The following CPD variants were observed in gnomAD, a reference collection of about 807,000 sequenced individuals.
CPD encodes metallocarboxypeptidase D.
Under a neutral mutation model 138.3 loss-of-function variants are expected in CPD, and 69 were observed. That is an observed-to-expected ratio of 0.50 (90% CI 0.41 to 0.61). The LOEUF is 0.61. Ranked by LOEUF, CPD falls within the 20% of genes least tolerant of loss-of-function variation. The probability of loss-of-function intolerance (pLI) is 0.00; values close to 1 mark genes in which losing one functional copy is unlikely to be tolerated. For missense variants in CPD, 1,432 were observed against 1,733.3 expected (o/e 0.83, Z 3.09); for synonymous variants, 651 against 642.1 (o/e 1.01, Z -0.21).
intron 2 of CPD, among the ~76,000 whole-genome samples, chr17:30,417,459 A>G (rs1353818022): frequency 6.6e-6 from 1 of 152,158 alleles, no homozygotes; most frequent in African/African-American, 2.4e-5. Context: ...TTCTGTCTAA[A>G]TATTCTACAA....
Position 30,461,902 on chromosome 17 carries a change from T to C in CPD, c.3656T>C (p.Val1219Ala). The change falls in exon 19 of 21, where the codon GTT becomes GCT. Residue 1219 changes from valine (V) to alanine (A), a missense_variant. Around this residue, in one of 6 missense-constraint regions of CPD, gnomAD observed 366 missense variants for 518.8 expected, o/e 0.71. Transcript: ENST00000225719. ...GTTCACAAGGGAGTTCATGGATTTG[T>C]TAAAGATAAGACTGGAAAGCCAATC... ...VEVHKGVHGF[V>A]KDKTGKPISK... The C allele has an allele frequency of 6.2e-7, 1 of 1,601,198 alleles. No individual in the cohort carries two copies. The highest frequency in any genetic ancestry group is 1.1e-5 in the South Asian group (1 of 89,132).
At chr17:30,432,892 T>G (rs1472986507) in intron 8 of CPD, among the ~76,000 whole-genome samples, 1 of 152,182 alleles carries the variant, frequency 6.6e-6, no homozygotes, top group Non-Finnish European at 1.5e-5. Context: ...TACTCTAGCC[T>G]GGGTGACAAA....
At chr17:30,460,573 T>C (rs1231889178) in intron 17 of CPD, among the ~76,000 whole-genome samples, 2 of 152,104 alleles carry the variant, frequency 1.3e-5, no homozygotes, top group African/African-American at 2.4e-5. Context: ...GATAGTGAGA[T>C]AGAGAAGTCA....
chr17:30,420,841 G>C lies in CPD; in HGVS notation c.995G>C (p.Gly332Ala). 1 of 1,607,408 alleles carries C rather than the reference G, an allele frequency of 6.2e-7. No individual in the cohort carries two copies. Among genetic ancestry groups the C allele is most frequent in the Middle Eastern group, 1.7e-4 (1 of 6,032 alleles). ...TNGAHWYDVE[G>A]GMQDYNYVWA... is the part of the protein sequence containing the mutation. Reference sequence around the variant, plus strand: ...TAAACTTATTTTTTCTATGTTACAGGTGGTATGCAAGATTACAATTATGTG... The same window carrying C: ...TAAACTTATTTTTTCTATGTTACAGCTGGTATGCAAGATTACAATTATGTG... Residue 332 changes from glycine to alanine, a missense_variant and splice_region_variant, in exon 3 of 21, where the codon GGT (glycine) becomes GCT (alanine). Gly to Ala is a moderately conservative substitution (Grantham distance 60). Transcript: ENST00000225719.
intron 2 of CPD, among the ~76,000 whole-genome samples, chr17:30,413,839 A>C (rs1912030838): frequency 6.6e-6 from 1 of 152,200 alleles, no homozygotes; most frequent in Non-Finnish European, 1.5e-5. Flanking sequence ...GTAAGTAGCA[A>C]CTTCAATTGG....
chr17:30,421,633 C>T (rs746618983), intron 3 of CPD, 31 bp from the exon 4 acceptor site: 26 of 1,604,284 alleles, frequency 1.6e-5, no homozygotes, highest in South Asian at 1.3e-4. Flanking sequence ...CCAAATTCAC[C>T]GTCTCTGAGC....
chr17:30,414,819 G>A (rs878974088), intron 2 of CPD, among the ~76,000 whole-genome samples: 1 of 152,170 alleles, frequency 6.6e-6, no homozygotes, highest in Non-Finnish European at 1.5e-5. Flanking sequence ...GAAAGACTGT[G>A]GGTGGAGCAG....
At chr17:30,437,524 A>G (rs1912733966) in intron 8 of CPD, among the ~76,000 whole-genome samples, 1 of 152,052 alleles carries the variant, frequency 6.6e-6, no homozygotes, top group East Asian at 1.9e-4. Context: ...ATCCCTACAA[A>G]AAATACAAAA....
chr17:30,410,556 A>T (rs527502518), intron 2 of CPD, among the ~76,000 whole-genome samples: 16 of 152,260 alleles, frequency 1.1e-4, no homozygotes, highest in Admixed American at 4.6e-4. Flanking sequence ...TTGCATGCAT[A>T]TGTATTTAGG....
In CPD at chr17:30,469,383, A is replaced by T. The variant is rs2061484881; in HGVS notation, c.*4569A>T. 1 of 152,172 alleles carries T rather than the reference A, an allele frequency of 6.6e-6. No homozygotes were observed. Among genetic ancestry groups the T allele is most frequent in the Non-Finnish European group, 1.5e-5 (1 of 68,020 alleles). 9.4% of individuals were successfully genotyped at this position (152,172 alleles called of 1,614,324 possible). A position where few individuals can be genotyped will look rare whatever the true frequency, so the allele number is the denominator to read the frequency against. ...AATGTGACCTTGTACAAGTTTCTTG[A>T]CATTCTCTGAGCCTCAGTTTCTCTA... On this transcript the variant is annotated 3_prime_UTR_variant, in exon 21 of 21. Transcript: ENST00000225719.
intron 2 of CPD, 87 bp from the exon 3 acceptor site, chr17:30,420,754 C>A: frequency 8.1e-7 from 1 of 1,240,996 alleles, no homozygotes; most frequent in Non-Finnish European, 1.1e-6. Context: ...TTTATACATC[C>A]AGAGATGGCT....
chr17:30,415,330 A>G (rs1301109649), intron 2 of CPD, among the ~76,000 whole-genome samples: 1 of 152,196 alleles, frequency 6.6e-6, no homozygotes, highest in Non-Finnish European at 1.5e-5. Flanking sequence ...GGTAATTCTA[A>G]TTGTATCACA....
chr17:30,447,603 G>C (rs1749298308), intron 12 of CPD: 1 of 152,098 alleles, frequency 6.6e-6, no homozygotes, highest in African/African-American at 2.4e-5. Flanking sequence ...ATTTAGAACT[G>C]TAAGCTCACC....
At position 30,456,479 on chromosome 17, in the gene CPD, G is replaced by A; in HGVS notation, c.3451G>A (p.Gly1151Arg). The change falls in exon 17 of 21, where the codon GGA becomes AGA. Residue 1151 changes from glycine to arginine, a missense_variant. Coordinates refer to ENST00000225719, the MANE Select transcript of CPD (RefSeq NM_001304.5). ...TTTTATAGATGAGAATATTCCAGGA[G>A]GAGTAATGCGTGGAGCAGAATGGCA... ...PNKSDENIPG[G>R]VMRGAEWHSH... 3 of 1,614,180 alleles carry A rather than the reference G, an allele frequency of 1.9e-6. No individual in the cohort carries two copies. Among genetic ancestry groups the A allele is most frequent in the Non-Finnish European group, 2.5e-6 (3 of 1,180,010 alleles).
chr17:30,460,206 A>G (rs1055078584), intron 17 of CPD, among the ~76,000 whole-genome samples: 2 of 152,242 alleles, frequency 1.3e-5, no homozygotes, highest in African/African-American at 4.8e-5. Flanking sequence ...AGTACATAGC[A>G]GAAGTCTAAT....
chr17:30,408,824 G>A (rs1031160321), intron 2 of CPD, among the ~76,000 whole-genome samples: 10 of 152,018 alleles, frequency 6.6e-5, no homozygotes, highest in Admixed American at 4.6e-4. Context: ...GATTGCCCTG[G>A]CCAGAACTTC....
chr17:30,423,181 A>G (rs1243248390), intron 5 of CPD, among the ~76,000 whole-genome samples, 158 bp downstream of exon 5: 2 of 152,208 alleles, frequency 1.3e-5, no homozygotes, highest in African/African-American at 4.8e-5. Flanking sequence ...AATGTAACCA[A>G]TCTTTTCCCA....
intron 2 of CPD, among the ~76,000 whole-genome samples, chr17:30,417,101 C>CAA (rs752972071): frequency 3.8e-5 from 4 of 106,352 alleles, no homozygotes; most frequent in African/African-American, 6.9e-5. Flanking sequence ...ACTCAGTCTC[C>CAA]AAAAAAAAAA....
At position 30,449,666 on chromosome 17, in the gene CPD, A is replaced by G. The variant is rs777247798; in HGVS notation, c.2987A>G (p.Asn996Ser). 6 of 1,608,628 alleles carry G rather than the reference A, an allele frequency of 3.7e-6. No individual in the cohort carries two copies. Among genetic ancestry groups the G allele is most frequent in the Non-Finnish European group, 5.1e-6 (6 of 1,178,826 alleles). Residue 996 changes from asparagine to serine, a missense_variant, in exon 13 of 21, where the codon AAT (asparagine) becomes AGT (serine). Asn to Ser is a conservative substitution (Grantham distance 46). Transcript: ENST00000225719. ...KIRFVAGIHGNAPVGTELLLA... is the reference protein window; with the variant it reads ...KIRFVAGIHGSAPVGTELLLA... ...CGTTTTGTTGCTGGTATCCATGGAA[A>G]TGCGCCAGTTGGAACTGAACTGCTT...
Sources: allele counts gnomAD v4.1 joint callset (sites outside exome capture counted in the v4.1 genomes callset), GRCh38; gene constraint gnomAD v4.1.1; regional missense constraint gnomAD v4.1.1; transcripts MANE v1.5; gene names NCBI Gene and HGNC (gene_info 2026-07-23, HGNC 2026-07-21).